The following GPBP1 variants were observed in gnomAD, a reference collection of about 807,000 sequenced individuals.
GPBP1 encodes the protein GC-rich promoter binding protein 1, also known as vasculin.
In GPBP1, 13 loss-of-function variants were observed where a neutral mutation model predicts 56.5. The ratio of observed to expected loss-of-function variants is 0.23; its 90% confidence interval spans 0.15 to 0.37. GPBP1 has a LOEUF of 0.37. Among genes scored for constraint, GPBP1 ranks in the 10% least tolerant of loss-of-function variants. GPBP1 has a pLI of 1.00. For synonymous variants in GPBP1, 204 were observed against 188.9 expected (o/e 1.08, Z -0.66); for missense variants, 477 against 572.3 (o/e 0.83, Z 1.70).
chr5:57,197,919 A>G (rs831649), intron 2 of GPBP1, among the ~76,000 whole-genome samples: 50,721 of 151,914 alleles, frequency 0.33, 9,580 homozygotes, highest in Non-Finnish European at 0.43. Flanking sequence ...AGTTAGGTGT[A>G]TGTGAGCAGT....
Position 57,251,148 on chromosome 5 carries a change from A to T in GPBP1, c.1160+7A>T. 1 of 1,579,910 alleles carries T rather than the reference A, an allele frequency of 6.3e-7. No individual in the cohort carries two copies. The highest frequency in any genetic ancestry group is 8.6e-7 in the Non-Finnish European group (1 of 1,166,496). On this transcript the variant is annotated splice_region_variant and intron_variant, in intron 10 of 11. Transcript: ENST00000506184. The stretch of plus-strand genomic sequence containing the variant: ...CACTTGAGGCAGAACACAGGCTAGT[A>T]TTTGTTTGTACTTTTTGCTCAGCAT...
At chr5:57,247,989 C>G (rs1741175329) in intron 8 of GPBP1, among the ~76,000 whole-genome samples, 1 of 152,164 alleles carries the variant, frequency 6.6e-6, no homozygotes, top group Admixed American at 6.5e-5. Flanking sequence ...GTGATCCTCT[C>G]TCCTCAGCTT....
chr5:57,206,279 G>A (rs1158953132), intron 2 of GPBP1, among the ~76,000 whole-genome samples: 3 of 151,846 alleles, frequency 2.0e-5, no homozygotes, highest in African/African-American at 7.3e-5. Flanking sequence ...CTTGGTTTTG[G>A]TGTCATATTT....
chr5:57,246,935 A>C (rs769271016), intron 7 of GPBP1, 140 bp from the exon 8 acceptor site: 63 of 562,870 alleles, frequency 1.1e-4, no homozygotes, highest in Non-Finnish European at 2.4e-5. Flanking sequence ...AGAACTATGT[A>C]GGAATAATGC....
At chr5:57,227,624 T>A (rs1041660132) in intron 3 of GPBP1, among the ~76,000 whole-genome samples, 3 of 152,238 alleles carry the variant, frequency 2.0e-5, no homozygotes, top group Admixed American at 6.5e-5. Flanking sequence ...GTGGTTGATT[T>A]GCCAAACTCA....
At chr5:57,261,863 A>C (rs1430642733) in intron 11 of GPBP1, among the ~76,000 whole-genome samples, 2 of 152,098 alleles carry the variant, frequency 1.3e-5, no homozygotes, top group East Asian at 3.8e-4. Flanking sequence ...CAGGAAGTTG[A>C]GATGCTTTTT....
chr5:57,192,342 C>A (rs541063616), intron 2 of GPBP1, among the ~76,000 whole-genome samples: 200 of 152,190 alleles, frequency 1.3e-3, no homozygotes, highest in African/African-American at 4.6e-3. Flanking sequence ...TTGGGGATAG[C>A]GCTAGATTGC....
intron 3 of GPBP1, among the ~76,000 whole-genome samples, chr5:57,217,615 G>C (rs1412424238): frequency 6.6e-6 from 1 of 152,078 alleles, no homozygotes; most frequent in Non-Finnish European, 1.5e-5. Context: ...ACTACAAGTG[G>C]TCAAAGATCT....
chr5:57,178,284 C>T (rs867744025), intron 2 of GPBP1, among the ~76,000 whole-genome samples: 2 of 152,080 alleles, frequency 1.3e-5, no homozygotes, highest in Non-Finnish European at 2.9e-5. Context: ...TGCTCTGTCG[C>T]GTGCCCAGGC....
intron 3 of GPBP1, among the ~76,000 whole-genome samples, chr5:57,217,439 G>GT (rs941180088): frequency 6.6e-6 from 1 of 152,116 alleles, no homozygotes; most frequent in African/African-American, 2.4e-5. Flanking sequence ...CGGTGTGGTG[G>GT]TGCATACCTT....
At chr5:57,233,921 A>G (rs1323703887) in intron 5 of GPBP1, among the ~76,000 whole-genome samples, 1 of 152,240 alleles carries the variant, frequency 6.6e-6, no homozygotes, top group Non-Finnish European at 1.5e-5. Context: ...TAAGCACTCA[A>G]TAAAAACTAA....
At chr5:57,227,328 G>T (rs948165954) in intron 3 of GPBP1, among the ~76,000 whole-genome samples, 2 of 151,856 alleles carry the variant, frequency 1.3e-5, no homozygotes, top group Non-Finnish European at 1.5e-5. Context: ...CACCCTCCCA[G>T]AGTACTGGGA....
chr5:57,231,082 CTATTATCAAA>C lies in GPBP1; in HGVS notation c.188-13_188-4del, dbSNP rs1756437802. 6.2e-7 allele frequency: 1 copy of C among 1,602,134 alleles called. No individual in the cohort carries two copies. Among genetic ancestry groups the C allele is most frequent in the East Asian group, 2.2e-5 (1 of 44,790 alleles). On this transcript the variant is annotated splice_region_variant and splice_polypyrimidine_tract_variant and intron_variant, in intron 4 of 11. Transcript: ENST00000506184. The stretch of plus-strand genomic sequence containing the variant: ...TCTTCTTTGAATTTATATTACTTTG[CTATTATCAAA>C]TAAAGGTAACTTTGGAAGGAAAGAA...
chr5:57,259,919 G>A lies in GPBP1; in HGVS notation c.1161-1261G>A, dbSNP rs143312486. Reference sequence around the variant, plus strand: ...TTGCCATGACCTTTGCTCTTGACTGGTCCTCTTTTGCTTTGAGTGGATCCC... The same window carrying A: ...TTGCCATGACCTTTGCTCTTGACTGATCCTCTTTTGCTTTGAGTGGATCCC... On this transcript the variant is annotated intron_variant, in intron 10 of 11. Transcript: ENST00000506184. Among the ~76,000 whole-genome samples, 583 of 152,138 alleles carry A rather than the reference G, an allele frequency of 3.8e-3. 3 individuals are homozygous for A. The highest frequency in any genetic ancestry group is 0.012 in the African/African-American group (509 of 41,496).
intron 2 of GPBP1, among the ~76,000 whole-genome samples, chr5:57,204,984 C>T (rs764200374): frequency 2.0e-5 from 3 of 152,110 alleles, no homozygotes; most frequent in Non-Finnish European, 4.4e-5. Flanking sequence ...TAAAGTTAAT[C>T]ACTTAAAGCA....
At chr5:57,236,986 G>T (rs1756687731) in intron 6 of GPBP1, 2 of 617,324 alleles carry the variant, frequency 3.2e-6, no homozygotes, top group Admixed American at 3.3e-5. Context: ...GTTTTCTTTT[G>T]ATCTTCCTCT....
chr5:57,229,930 TGCATC>T (rs1561357138), intron 3 of GPBP1, among the ~76,000 whole-genome samples: 6 of 108,206 alleles, frequency 5.5e-5, no homozygotes. Flanking sequence ...CCCATCCCGT[TGCATC>T]GCATCGCGTC....
In GPBP1 at chr5:57,262,845, G is replaced by A; in HGVS notation, c.*93G>A. On this transcript the variant is annotated 3_prime_UTR_variant, in exon 12 of 12. Transcript: ENST00000506184. ...AAAATGAAGAACTATAATTTATGTA[G>A]TGAAATACCCCATTAGAAGAGGATT... 1.7e-6 allele frequency: 2 copies of A among 1,146,972 alleles called. No homozygotes were observed. Among genetic ancestry groups the A allele is most frequent in the Non-Finnish European group, 2.5e-6 (2 of 797,892 alleles). The allele number at this position is 1,146,972 out of a possible 1,614,324, so 71.0% of individuals were successfully genotyped here.
chr5:57,219,404 C>CAAAAAAAAAA (rs1491436205), intron 3 of GPBP1, among the ~76,000 whole-genome samples: 2 of 25,142 alleles, frequency 8.0e-5, no homozygotes, highest in Non-Finnish European at 1.3e-4. Flanking sequence ...AAAAAAAAAA[C>CAAAAAAAAAA]CAAAAACAAA....
Sources: gnomAD v4.1 joint callset for allele counts (sites outside exome capture counted in the v4.1 genomes callset) on GRCh38, gnomAD v4.1.1 for gene constraint, MANE v1.5 for transcripts, NCBI Gene and HGNC (gene_info 2026-07-23, HGNC 2026-07-21) for gene names.